The following ANGPTL2 variants were observed in gnomAD, a reference collection of about 807,000 sequenced individuals.
ANGPTL2 encodes the protein angiopoietin like 2, also known as angiopoietin-related protein 2.
Under a neutral mutation model 52.8 loss-of-function variants are expected in ANGPTL2, and 25 were observed. The ratio of observed to expected loss-of-function variants is 0.47; its 90% CI spans 0.35 to 0.66. The LOEUF is 0.66. ANGPTL2 is among the 30% of genes least tolerant of loss of function. ANGPTL2 has a pLI of 0.01. For missense variants in ANGPTL2, 546 were observed against 656.9 expected (o/e 0.83, Z 1.84); for synonymous variants, 276 against 277.4 (o/e 1.00, Z 0.05).
At chr9:127,105,187 G>A (rs1161619617) in intron 2 of ANGPTL2, among the ~76,000 whole-genome samples, 2 of 152,202 alleles carry the variant, frequency 1.3e-5, no homozygotes, top group Non-Finnish European at 2.9e-5. Flanking sequence ...CTGGTAATGA[G>A]CAAGTACCAA....
chr9:127,107,373 A>G (rs1011557623), intron 2 of ANGPTL2, among the ~76,000 whole-genome samples: 4 of 152,248 alleles, frequency 2.6e-5, no homozygotes, highest in African/African-American at 9.6e-5. Context: ...ATATGGAAGC[A>G]TCATTGAAAA....
chr9:127,102,161 T>C (rs1464155821), intron 2 of ANGPTL2, among the ~76,000 whole-genome samples: 1 of 152,202 alleles, frequency 6.6e-6, no homozygotes, highest in Non-Finnish European at 1.5e-5. Flanking sequence ...AAGTATATAC[T>C]TCATTACTTT....
rs1290977441 is a variant in ANGPTL2, at chr9:127,091,503, T to A, written c.1282+167A>T. On this transcript the variant is annotated intron_variant, in intron 4 of 4. Coordinates refer to ENST00000373425, the MANE Select transcript of ANGPTL2 (RefSeq NM_012098.3). The surrounding 1 kb of genome is among the most constrained non-coding windows in gnomAD (Gnocchi z 4.3). ...GACCCAGCTTTGTGAAGGGGACCTG[T>A]GGGCAGGAGAAGGGACCCTCAGGGG... Among the ~76,000 whole-genome samples the A allele has an allele frequency of 6.6e-6, 1 of 152,144 alleles. No individual in the cohort carries two copies. Among genetic ancestry groups the A allele is most frequent in the Admixed American group, 6.5e-5 (1 of 15,286 alleles).
chr9:127,105,083 G>C (rs377252482), intron 2 of ANGPTL2, among the ~76,000 whole-genome samples: 1 of 152,140 alleles, frequency 6.6e-6, no homozygotes, highest in East Asian at 1.9e-4. Flanking sequence ...CCTGGGCTCT[G>C]TCTACCCATT....
rs1437620068 is a variant in ANGPTL2, at chr9:127,087,700, A to C, written c.*1239T>G. 1.3e-5 allele frequency: 2 copies of C among 152,146 alleles called. No homozygotes were observed. Among genetic ancestry groups the C allele is most frequent in the African/African-American group, 2.4e-5 (1 of 41,422 alleles). The allele number at this position is 152,146 out of a possible 1,614,324, so 9.4% of individuals were successfully genotyped here. The stretch of plus-strand genomic sequence containing the variant: ...GGGGTCCGGTGACCCCTGATTATTC[A>C]ACTCCTGAGAAGTGGCCTGTTTTCA... On this transcript the variant is annotated 3_prime_UTR_variant, in exon 5 of 5. Coordinates refer to ENST00000373425, the MANE Select transcript of ANGPTL2 (RefSeq NM_012098.3).
chr9:127,090,466 TGGGCG>T (rs1478817913), intron 4 of ANGPTL2, among the ~76,000 whole-genome samples: 1 of 152,160 alleles, frequency 6.6e-6, no homozygotes, highest in Admixed American at 6.5e-5. Context: ...TCAGTGTCAG[TGGGCG>T]GACAGAGGTG....
rs143268459 is a variant in ANGPTL2 at position 127,091,407 on chromosome 9, G to C, written c.1282+263C>G. On this transcript the variant is annotated intron_variant, in intron 4 of 4. Coordinates refer to ENST00000373425, the MANE Select transcript of ANGPTL2 (RefSeq NM_012098.3). This position sits in a 1 kb window ranked among gnomAD's most constrained non-coding sequence, Gnocchi z 4.3. ...CATTGGCCCCAGCTGGCCCTGGTAC[G>C]TGTGATTTGTATACCTCTTTATGTC... Among the ~76,000 whole-genome samples, 1 of 152,150 alleles carries C rather than the reference G, an allele frequency of 6.6e-6. No homozygotes were observed. The highest frequency in any genetic ancestry group is 1.5e-5 in the Non-Finnish European group (1 of 68,030).
intron 1 of ANGPTL2, among the ~76,000 whole-genome samples, chr9:127,120,053 G>A (rs2055885012): frequency 6.6e-6 from 1 of 152,228 alleles, no homozygotes; most frequent in Admixed American, 6.5e-5. Flanking sequence ...GGGCTAAGAT[G>A]TATCAGTGTT....
chr9:127,115,640 T>C (rs755610194), intron 1 of ANGPTL2, among the ~76,000 whole-genome samples: 3 of 152,246 alleles, frequency 2.0e-5, no homozygotes, highest in Non-Finnish European at 2.9e-5. Context: ...AGATTGTCTC[T>C]TCAACCAGTA....
chr9:127,090,543 C>T (rs1324070858), intron 4 of ANGPTL2, among the ~76,000 whole-genome samples: 1 of 152,226 alleles, frequency 6.6e-6, no homozygotes, highest in African/African-American at 2.4e-5. Flanking sequence ...GGGAGAATTA[C>T]CCTTCAGAAT....
chr9:127,102,068 T>C (rs987360656), intron 2 of ANGPTL2, among the ~76,000 whole-genome samples: 3 of 152,106 alleles, frequency 2.0e-5, no homozygotes, highest in Non-Finnish European at 4.4e-5. Context: ...GATGCGGGGA[T>C]AGTAGGAAAG....
At chr9:127,090,095 G>A (rs147321533) in intron 4 of ANGPTL2, among the ~76,000 whole-genome samples, 2 of 152,294 alleles carry the variant, frequency 1.3e-5, no homozygotes, top group South Asian at 2.1e-4. Flanking sequence ...GGTCCCTCTG[G>A]GCCATGATTC....
chr9:127,089,987 G>T (rs1425355212), intron 4 of ANGPTL2, among the ~76,000 whole-genome samples: 2 of 152,230 alleles, frequency 1.3e-5, no homozygotes, highest in Non-Finnish European at 2.9e-5. Context: ...AACAGAGCAG[G>T]TGGCCGAGGC....
intron 2 of ANGPTL2, among the ~76,000 whole-genome samples, chr9:127,107,376 A>C (rs1589513307): frequency 6.6e-6 from 1 of 152,242 alleles, no homozygotes; most frequent in South Asian, 2.1e-4. Context: ...TGGAAGCATC[A>C]TTGAAAATTC....
At chr9:127,096,363 C>T (rs769449633) in intron 2 of ANGPTL2, among the ~76,000 whole-genome samples, 9 of 152,182 alleles carry the variant, frequency 5.9e-5, no homozygotes, top group Admixed American at 1.3e-4. Flanking sequence ...AGAGGCCGTT[C>T]GATGTGAATG....
At chr9:127,112,428 G>T (rs1056980262) in intron 1 of ANGPTL2, among the ~76,000 whole-genome samples, 3 of 152,242 alleles carry the variant, frequency 2.0e-5, no homozygotes, top group Non-Finnish European at 4.4e-5. Flanking sequence ...ACCTCTCTGT[G>T]CCCATGTGGG....
At chr9:127,115,664 CTTGT>C (rs2055334336) in intron 1 of ANGPTL2, among the ~76,000 whole-genome samples, 1 of 152,208 alleles carries the variant, frequency 6.6e-6, no homozygotes, top group African/African-American at 2.4e-5. Flanking sequence ...ATAAAAGGTG[CTTGT>C]TTGTTTAATG....
chr9:127,101,255 C>T lies in ANGPTL2; in HGVS notation c.817+6660G>A, dbSNP rs1443652269. Among the ~76,000 whole-genome samples the T allele has an allele frequency of 2.0e-5, 3 of 152,210 alleles. No individual in the cohort carries two copies. In the East Asian group the frequency reaches 5.8e-4, roughly 29 times the overall value. On this transcript the variant is annotated intron_variant, in intron 2 of 4. Coordinates refer to ENST00000373425, the MANE Select transcript of ANGPTL2 (RefSeq NM_012098.3). The stretch of plus-strand genomic sequence containing the variant: ...ACCGTTTCATTTCATCCTCATAAGC[C>T]CCTGCACCTGTGAGAAAGCCAGGGC...
At chr9:127,095,154 T>C (rs2052969531) in intron 2 of ANGPTL2, among the ~76,000 whole-genome samples, 1 of 152,186 alleles carries the variant, frequency 6.6e-6, no homozygotes, top group Non-Finnish European at 1.5e-5. Context: ...ATCCCAGCAC[T>C]TTGGGAGGCT....
Sources: gnomAD v4.1 joint callset for allele counts (sites outside exome capture counted in the v4.1 genomes callset) on GRCh38, gnomAD v4.1.1 for gene constraint, Gnocchi (gnomAD v3.1) non-coding constraint, MANE v1.5 for transcripts, NCBI Gene and HGNC (gene_info 2026-07-23, HGNC 2026-07-21) for gene names.